The following AKAP3 variants were observed in gnomAD, a reference collection of about 807,000 sequenced individuals.
AKAP3 encodes A-kinase anchoring protein 3.
AKAP3 carries 27 observed loss-of-function variants against 57.2 expected under a neutral mutation model. That is an observed-to-expected ratio of 0.47 (90% confidence interval 0.35 to 0.65). The LOEUF (loss-of-function observed/expected upper bound fraction) is 0.65. Ranked by LOEUF, AKAP3 falls within the 30% of genes least tolerant of loss-of-function variation. The pLI is 0.01. For synonymous variants in AKAP3, 334 were observed against 392.3 expected (o/e 0.85, Z 1.76); for missense variants, 959 against 1,040.0 (o/e 0.92, Z 1.07).
At chr12:4,631,177 G>A (rs894020190) in intron 4 of AKAP3, 25 of 521,808 alleles carry the variant, frequency 4.8e-5, no homozygotes, top group Admixed American at 1.1e-4. Context: ...ATGGCCAATT[G>A]GTGGCAGCAA....
At chr12:4,638,812 G>A (rs993624065) in intron 3 of AKAP3, among the ~76,000 whole-genome samples, 1 of 152,192 alleles carries the variant, frequency 6.6e-6, no homozygotes, top group African/African-American at 2.4e-5. Context: ...TGTCATGTGC[G>A]CCATTCAAAA....
rs1378379059 is a variant in AKAP3 at position 4,625,695 on chromosome 12, G to C, written c.2406+801C>G. ...AAAAGCACTGAGGAAGAGAAAATGA[G>C]AGAGAGAGAGAGAGAGAGAGAGCAA... On this transcript the variant is annotated intron_variant, in intron 5 of 5. Coordinates refer to ENST00000228850, the MANE Select transcript of AKAP3 (RefSeq NM_001278309.2). This position sits in a 1 kb window ranked among gnomAD's most constrained non-coding sequence, Gnocchi z 5.4. 8.2e-6 allele frequency among the ~76,000 whole-genome samples: 1 copy of C among 121,330 alleles called. No homozygotes were observed. Among genetic ancestry groups the C allele is most frequent in the South Asian group, 3.0e-4 (1 of 3,280 alleles). The allele number at this position is 121,330 out of a possible 152,430, so 79.6% of individuals were successfully genotyped here. A position where few individuals can be genotyped will look rare whatever the true frequency, so the allele number is the denominator to read the frequency against.
At chr12:4,641,411 A>G (rs1454279264) in intron 3 of AKAP3, among the ~76,000 whole-genome samples, 2 of 152,132 alleles carry the variant, frequency 1.3e-5, no homozygotes, top group East Asian at 3.8e-4. Context: ...ACAGGGTTTC[A>G]CCATGTTGGC....
rs754203009 is a variant in AKAP3 at position 4,627,187 on chromosome 12, C to G, written c.1715G>C (p.Cys572Ser). 6.2e-7 allele frequency: 1 copy of G among 1,614,110 alleles called. No homozygotes were observed. Among genetic ancestry groups the G allele is most frequent in the African/African-American group, 1.3e-5 (1 of 75,010 alleles). The change falls in exon 5 of 6, where the codon TGC becomes TCC. Residue 572 changes from cysteine to serine, a missense_variant. Coordinates refer to ENST00000228850, the MANE Select transcript of AKAP3 (RefSeq NM_001278309.2). ...ACCTACAATGGGAGCAGACTTAAGG[C>G]AAGATTCATCGGGAGCTACAGGAGG... ...NEPPVAPDES[C>S]LKSAPIVGDQ...
chr12:4,627,962 C>A lies in AKAP3; in HGVS notation c.940G>T (p.Ala314Ser). ...LKIQVKDTTI[A>S]TILLKKVLLK... ...AGAACCTTCTTCAGTAGGATGGTGG[C>A]AATGGTTGTGTCTTTCACTTGGATC... Residue 314 changes from alanine (A) to serine (S), a missense_variant, in exon 5 of 6, where the codon GCC becomes TCC. Physicochemically the swap from Ala to Ser is moderately conservative, Grantham distance 99 (BLOSUM62 1). Coordinates refer to ENST00000228850, the MANE Select transcript of AKAP3 (RefSeq NM_001278309.2). 6.2e-7 allele frequency: 1 copy of A among 1,614,036 alleles called. No individual in the cohort carries two copies.
intron 2 of AKAP3, among the ~76,000 whole-genome samples, chr12:4,643,748 A>G (rs1945664955): frequency 6.6e-6 from 1 of 152,230 alleles, no homozygotes; most frequent in African/African-American, 2.4e-5. Flanking sequence ...GAAAGGCATA[A>G]GCAACATAGG....
At chr12:4,630,435 C>A (rs980254555) in intron 4 of AKAP3, among the ~76,000 whole-genome samples, 1 of 151,884 alleles carries the variant, frequency 6.6e-6, no homozygotes, top group African/African-American at 2.4e-5. Flanking sequence ...TCCACGTCTA[C>A]AATATCCTGC....
chr12:4,617,581 C>T (rs1489438297), intron 5 of AKAP3, among the ~76,000 whole-genome samples: 1 of 152,004 alleles, frequency 6.6e-6, no homozygotes, highest in Non-Finnish European at 1.5e-5. Context: ...GGCAAAACCC[C>T]ATCTCTACTA....
chr12:4,634,984 AT>A (rs912759605), intron 4 of AKAP3, among the ~76,000 whole-genome samples: 1 of 151,360 alleles, frequency 6.6e-6, no homozygotes. Context: ...AGTAAATTCT[AT>A]TTTTTTTTCC....
chr12:4,640,827 A>C (rs973029272), intron 3 of AKAP3, among the ~76,000 whole-genome samples: 9 of 152,148 alleles, frequency 5.9e-5, no homozygotes, highest in Non-Finnish European at 1.2e-4. Flanking sequence ...AAAGATACTG[A>C]ATCCAAGTTA....
Position 4,626,795 on chromosome 12 carries a change from C to CA in AKAP3, c.2106dup (p.Ala703CysfsTer3). 1 of 1,614,168 alleles carries CA rather than the reference C, an allele frequency of 6.2e-7. No individual in the cohort carries two copies. The highest frequency in any genetic ancestry group is 8.5e-7 in the Non-Finnish European group (1 of 1,180,024). On this transcript the variant is annotated frameshift_variant, in exon 5 of 6. Coordinates refer to ENST00000228850, the MANE Select transcript of AKAP3 (RefSeq NM_001278309.2). LOFTEE classifies it high-confidence loss of function. ...GGGAAGGCCGAAGTTAGCCTACTGG[C>CA]ATCTCCAGACTTGTCATCTCCCAGC...
intron 4 of AKAP3, chr12:4,635,761 T>G: frequency 1.4e-6 from 1 of 717,464 alleles, no homozygotes; most frequent in South Asian, 1.5e-5. Flanking sequence ...CTTGACCAGC[T>G]GTATCCTGTA....
intron 5 of AKAP3, among the ~76,000 whole-genome samples, chr12:4,619,248 G>T (rs904473576): frequency 6.6e-6 from 1 of 152,124 alleles, no homozygotes; most frequent in Non-Finnish European, 1.5e-5. Context: ...GAAATAGTTT[G>T]GCAATTTCTT....
intron 5 of AKAP3, among the ~76,000 whole-genome samples, chr12:4,619,383 A>T (rs906615422): frequency 2.0e-5 from 3 of 151,782 alleles, no homozygotes; most frequent in Non-Finnish European, 4.4e-5. Flanking sequence ...ACATGACAAG[A>T]CCCCATCTCT....
chr12:4,628,915 C>CAT, intron 4 of AKAP3, 110 bp from the exon 5 acceptor site: 1 of 1,160,108 alleles, frequency 8.6e-7, no homozygotes, highest in East Asian at 2.5e-5. Context: ...AAGCTTGCTC[C>CAT]ATCTTGGCAA....
intron 3 of AKAP3, among the ~76,000 whole-genome samples, chr12:4,639,711 A>T (rs1429602656): frequency 6.6e-6 from 1 of 151,836 alleles, no homozygotes; most frequent in African/African-American, 2.4e-5. Context: ...TTTGCTCAGA[A>T]TGATGGTTTC....
rs369983454 is a variant in AKAP3 at position 4,615,702 on chromosome 12, C to T, written c.*37G>A. ...AGAAGGGCGGGGATAAGGGCCGGCCCCACTGCCAGAAGAGGGGAAAGCAGT... is the reference window on the plus strand; with the variant it reads ...AGAAGGGCGGGGATAAGGGCCGGCCTCACTGCCAGAAGAGGGGAAAGCAGT... On this transcript the variant is annotated 3_prime_UTR_variant, in exon 6 of 6. Coordinates refer to ENST00000228850, the MANE Select transcript of AKAP3 (RefSeq NM_001278309.2). 6.2e-7 allele frequency: 1 copy of T among 1,601,580 alleles called. No homozygotes were observed. Among genetic ancestry groups the T allele is most frequent in the African/African-American group, 1.3e-5 (1 of 74,724 alleles).
At chr12:4,630,487 G>GAAAT (rs1453220211) in intron 4 of AKAP3, among the ~76,000 whole-genome samples, 1 of 152,146 alleles carries the variant, frequency 6.6e-6, no homozygotes, top group African/African-American at 2.4e-5. Context: ...GAAAAGAAAA[G>GAAAT]CAGTTGTGCT....
chr12:4,616,821 C>G (rs1945290749), intron 5 of AKAP3, among the ~76,000 whole-genome samples: 1 of 151,986 alleles, frequency 6.6e-6, no homozygotes, highest in African/African-American at 2.4e-5. Flanking sequence ...AAACAGAGCC[C>G]AAGGACTTGT....
Sources: allele counts gnomAD v4.1 joint callset (sites outside exome capture counted in the v4.1 genomes callset), GRCh38; gene constraint gnomAD v4.1.1; non-coding constraint Gnocchi (gnomAD v3.1); transcripts MANE v1.5; gene names NCBI Gene and HGNC (gene_info 2026-07-23, HGNC 2026-07-21).